Variants in GAK observed in about 807,000 individuals in gnomAD.
GAK encodes the protein cyclin G associated kinase.
GAK carries 79 observed loss-of-function variants against 143.9 expected under a neutral mutation model. That is an observed-to-expected ratio of 0.55 (90% confidence interval 0.46 to 0.66). The LOEUF (loss-of-function observed/expected upper bound fraction) is 0.66. GAK is among the 30% of genes least tolerant of loss of function. GAK has a pLI of 0.00. For missense variants in GAK, 1,693 were observed against 1,779.7 expected, an observed-to-expected ratio of 0.95 and a Z score of 0.88; for synonymous variants, 881 against 765.5, an observed-to-expected ratio of 1.15 and a Z score of -2.49.
At chr4:899,748 G>C (rs756680127) in intron 5 of GAK, among the ~76,000 whole-genome samples, 1 of 152,342 alleles carries the variant, frequency 6.6e-6, no homozygotes, top group South Asian at 2.1e-4. Flanking sequence ...CAACCACAGC[G>C]CCCTGCAGAC....
At chr4:861,053 T>C (rs1424419072) in intron 23 of GAK, among the ~76,000 whole-genome samples, 1 of 152,206 alleles carries the variant, frequency 6.6e-6, no homozygotes, top group Non-Finnish European at 1.5e-5. Context: ...TGGGGTGCCA[T>C]GGACTGTGCC....
At chr4:859,969 A>G (rs552823901) in intron 23 of GAK, among the ~76,000 whole-genome samples, 2 of 152,194 alleles carry the variant, frequency 1.3e-5, no homozygotes, top group African/African-American at 4.8e-5. Flanking sequence ...AACCATGCTC[A>G]TATCATTATG....
chr4:906,560 A>G (rs944780710), intron 4 of GAK, among the ~76,000 whole-genome samples: 2 of 152,004 alleles, frequency 1.3e-5, no homozygotes, highest in African/African-American at 2.4e-5. Flanking sequence ...GACCCAACCC[A>G]TCCTGCTCCT....
chr4:916,520 A>G (rs1157638237), intron 1 of GAK, among the ~76,000 whole-genome samples: 1 of 152,214 alleles, frequency 6.6e-6, no homozygotes, highest in Non-Finnish European at 1.5e-5. Flanking sequence ...CCACGCCCAG[A>G]AAACAACAAA....
chr4:897,911 T>C (rs1224618639), intron 6 of GAK, 122 bp downstream of exon 6: 1 of 1,165,604 alleles, frequency 8.6e-7, no homozygotes, highest in Admixed American at 2.7e-5. Flanking sequence ...ATTGCACCAC[T>C]GCACTCCAGC....
chr4:854,323 T>C (rs1748753204), intron 24 of GAK, among the ~76,000 whole-genome samples: 1 of 152,188 alleles, frequency 6.6e-6, no homozygotes, highest in Non-Finnish European at 1.5e-5. Context: ...TTTTATATTC[T>C]GTAGATGAGT....
chr4:907,867 G>A (rs1288682875), intron 4 of GAK, among the ~76,000 whole-genome samples: 11 of 152,186 alleles, frequency 7.2e-5, no homozygotes, highest in Admixed American at 7.2e-4. Flanking sequence ...CCCCAGGAGT[G>A]AGCTGGCGCG....
chr4:890,612 T>C lies in GAK; in HGVS notation c.1001A>G (p.Gln334Arg), dbSNP rs1301695184. 33 of 1,611,150 alleles carry C rather than the reference T, an allele frequency of 2.0e-5. No homozygotes were observed. Among genetic ancestry groups the C allele is most frequent in the Non-Finnish European group, 2.6e-5 (31 of 1,179,396 alleles). Residue 334 changes from glutamine (Q) to arginine (R), a missense_variant, in exon 10 of 28, where the codon CAG (glutamine) becomes CGG (arginine). Around this residue, in one of 2 missense-constraint regions of GAK, gnomAD observed 871 missense variants for 991.0 expected, o/e 0.88. Coordinates refer to ENST00000314167, the MANE Select transcript of GAK (RefSeq NM_005255.4). ...TGTGGCGCTCCCGTAGCCTCCATTC[T>C]GCTCCAGGAGCTGTGACAATGAAAA... Reference protein sequence around the residue: ...PKSPITELLEQNGGYGSATLS... With the variant: ...PKSPITELLERNGGYGSATLS...
chr4:884,194 G>T, intron 11 of GAK, 108 bp from the exon 12 acceptor site: 1 of 904,634 alleles, frequency 1.1e-6, no homozygotes, highest in Non-Finnish European at 1.8e-6. Context: ...GGCTCTCACT[G>T]TAGAGGCCGC....
chr4:885,057 A>G (rs546165589), intron 11 of GAK, among the ~76,000 whole-genome samples: 139 of 138,580 alleles, frequency 1.0e-3, no homozygotes, highest in East Asian at 4.0e-3. Flanking sequence ...GTCTAAACCC[A>G]CCGAGCAGGT....
At chr4:894,994 TAAATAAATAAATAAATAAATA>T (rs1294709450) in intron 7 of GAK, among the ~76,000 whole-genome samples, 2 of 88,536 alleles carry the variant, frequency 2.3e-5, no homozygotes, top group African/African-American at 7.4e-5. Flanking sequence ...AATAAATAAA[TAAATAAATAAATAAATAAATA>T]AAGGTTCCTT....
rs532269050 is a variant in GAK at position 849,602 on chromosome 4, C to T, written c.*71G>A. On this transcript the variant is annotated 3_prime_UTR_variant, in exon 28 of 28. Transcript: ENST00000314167. ...CCTGCTGTCGCCCACGGGGTCCTCA[C>T]GGTGGGGACCCAGGTCCCACGACGG... The T allele has an allele frequency of 4.4e-5, 56 of 1,268,580 alleles. No homozygotes were observed. The highest frequency in any genetic ancestry group is 1.5e-4 in the East Asian group (6 of 40,122). 78.6% of individuals were successfully genotyped at this position (1,268,580 alleles called of 1,614,324 possible).
At chr4:864,062 G>A (rs1381552722) in intron 23 of GAK, among the ~76,000 whole-genome samples, 1 of 152,012 alleles carries the variant, frequency 6.6e-6, no homozygotes, top group Non-Finnish European at 1.5e-5. Context: ...ACAGTATAAT[G>A]TAAATATAAC....
At chr4:903,686 T>TG (rs1720464376) in intron 5 of GAK, among the ~76,000 whole-genome samples, 1 of 106,154 alleles carries the variant, frequency 9.4e-6, no homozygotes, top group African/African-American at 4.0e-5. Flanking sequence ...GCGGGGCCTA[T>TG]AGTGACACCA....
intron 1 of GAK, among the ~76,000 whole-genome samples, chr4:924,775 C>G (rs188271906): frequency 1.3e-5 from 2 of 152,226 alleles, no homozygotes; most frequent in East Asian, 3.9e-4. Flanking sequence ...CGGGGCTGCT[C>G]TCAGGATAGT....
At chr4:890,505 G>A in intron 10 of GAK, 27 bp downstream of exon 10, 2 of 1,553,302 alleles carry the variant, frequency 1.3e-6, no homozygotes, top group African/African-American at 1.4e-5. Context: ...CGAGGGACAG[G>A]TGGCGGGCAC....
At chr4:905,465 C>T (rs556387565) in intron 4 of GAK, among the ~76,000 whole-genome samples, 82 of 142,878 alleles carry the variant, frequency 5.7e-4, no homozygotes, top group Non-Finnish European at 8.6e-4. Context: ...GGCTCCGCCA[C>T]GCCCCATGCC....
chr4:912,165 G>A (rs1722161973), intron 3 of GAK: 1 of 459,134 alleles, frequency 2.2e-6, no homozygotes, highest in Admixed American at 2.3e-5. Context: ...GGCTCTCCGA[G>A]TGAACAGAGC....
At chr4:903,435 T>A (rs1430766723) in intron 5 of GAK, among the ~76,000 whole-genome samples, 1 of 152,098 alleles carries the variant, frequency 6.6e-6, no homozygotes, top group African/African-American at 2.4e-5. Context: ...CCCCAGCGCC[T>A]GAGACAGGGC....
Sources: allele counts gnomAD v4.1 joint callset (sites outside exome capture counted in the v4.1 genomes callset), GRCh38; gene constraint gnomAD v4.1.1; regional missense constraint gnomAD v4.1.1; transcripts MANE v1.5; gene names NCBI Gene and HGNC (gene_info 2026-07-23, HGNC 2026-07-21).